HROB: variants seen among roughly 807,000 people sequenced by gnomAD.
HROB encodes the protein homologous recombination OB-fold protein.
HROB carries 44 observed loss-of-function variants against 61.0 expected under a neutral mutation model. The ratio of observed to expected loss-of-function variants is 0.72; its 90% CI spans 0.57 to 0.93. The LOEUF (loss-of-function observed/expected upper bound fraction) is 0.93, where lower values mean the gene tolerates loss of function less well. HROB is among the 40% of genes least tolerant of loss of function. HROB has a pLI of 0.00. For missense variants in HROB, 716 were observed against 796.2 expected, an observed-to-expected ratio of 0.90 and a Z score of 1.21; for synonymous variants, 301 against 310.4, an observed-to-expected ratio of 0.97 and a Z score of 0.32.
In HROB at chr17:44,148,209, C is replaced by T. The variant is rs762383052; in HGVS notation, c.406C>T (p.Pro136Ser). The T allele has an allele frequency of 2.7e-5, 44 of 1,614,166 alleles. No homozygotes were observed. The Middle Eastern group carries it at 4.9e-4, about 18-fold the overall frequency. ...TARPQSSALH[P>S]LLTFESQQQQ... ...AAGACCTCAGTCCTCAGCCTTACAC[C>T]CCCTACTCACCTTTGAGAGCCAACA... Residue 136 changes from proline to serine, a missense_variant, in exon 3 of 10, where the codon CCC (proline) becomes TCC (serine). Coordinates refer to ENST00000585683, the MANE Select transcript of HROB (RefSeq NM_001171251.3).
chr17:44,142,703 C>T (rs1453973374), intron 1 of HROB, among the ~76,000 whole-genome samples: 1 of 152,060 alleles, frequency 6.6e-6, no homozygotes, highest in Non-Finnish European at 1.5e-5. Context: ...GCCCTGCTGG[C>T]TAGAAAGAAG....
chr17:44,157,405 CTTTTTTTTTTTT>C (rs71160088), intron 8 of HROB, among the ~76,000 whole-genome samples: 2 of 81,472 alleles, frequency 2.5e-5, no homozygotes, highest in Non-Finnish European at 4.6e-5. Flanking sequence ...CATCATGTTT[CTTTTTTTTTTTT>C]TTTTTTTTTT....
chr17:44,154,464 C>T (rs2053910656), intron 5 of HROB, 92 bp from the exon 6 acceptor site: 1 of 1,216,444 alleles, frequency 8.2e-7, no homozygotes, highest in East Asian at 2.3e-5. Flanking sequence ...ACTCTGACCC[C>T]TCCTAACCCC....
At position 44,141,950 on chromosome 17, in the gene HROB, C is replaced by A. The variant is rs2053453630; in HGVS notation, c.-193C>A. 1 of 676,498 alleles carries A rather than the reference C, an allele frequency of 1.5e-6. No homozygotes were observed. Among genetic ancestry groups the A allele is most frequent in the Non-Finnish European group, 2.3e-6 (1 of 430,518 alleles). The allele number at this position is 676,498 out of a possible 1,614,324, so 41.9% of individuals were successfully genotyped here. A position where few individuals can be genotyped will look rare whatever the true frequency, so the allele number is the denominator to read the frequency against. ...GCCCCAGTGGCGGCGTCTTCGAATG[C>A]GGCCTAAGGCGCCTGCCGCCAGTCT... On this transcript the variant is annotated 5_prime_UTR_variant, in exon 1 of 10. Coordinates refer to ENST00000585683, the MANE Select transcript of HROB (RefSeq NM_001171251.3).
chr17:44,153,514 GGCGGGCGGATCACCTGAGGTC>G (rs1398239340), intron 5 of HROB, among the ~76,000 whole-genome samples: 2 of 152,130 alleles, frequency 1.3e-5, no homozygotes, highest in Non-Finnish European at 2.9e-5. Flanking sequence ...GAGAGGTCAA[GGCGGGCGGATCACCTGAGGTC>G]GCGAGTTCAA....
intron 9 of HROB, among the ~76,000 whole-genome samples, chr17:44,159,403 A>G (rs1272296773): frequency 6.6e-6 from 1 of 152,192 alleles, no homozygotes; most frequent in Non-Finnish European, 1.5e-5. Flanking sequence ...AGAAGACAAG[A>G]GTTGGGTGCC....
chr17:44,155,447 G>A (rs1281587619), intron 8 of HROB, 36 bp downstream of exon 8: 2 of 1,610,188 alleles, frequency 1.2e-6, no homozygotes, highest in East Asian at 4.5e-5. Context: ...GACTGGTAAG[G>A]CCCTCCTTCT....
chr17:44,161,721 C>A, intron 9 of HROB, 150 bp from the exon 10 acceptor site: 1 of 754,276 alleles, frequency 1.3e-6, no homozygotes, highest in South Asian at 1.6e-5. Flanking sequence ...CAGCCTCAGG[C>A]CCATTGGCAT....
In HROB at chr17:44,154,898, A is replaced by T. The variant is rs148125933; in HGVS notation, c.1604A>T (p.Gln535Leu). 1.2e-6 allele frequency: 2 copies of T among 1,614,080 alleles called. No individual in the cohort carries two copies. Among genetic ancestry groups the T allele is most frequent in the Non-Finnish European group, 8.5e-7 (1 of 1,180,016 alleles). ...CACAGGTTGCTGCTGGAGACGTGCC[A>T]GAATGAGCTGAAGCCTGGCTCAGTG... ...TVHRLLLETC[Q>L]NELKPGSVLL... Residue 535 changes from glutamine to leucine, a missense_variant, in exon 7 of 10, where the codon CAG becomes CTG. By Grantham distance (113) the Gln-to-Leu change is moderately radical. Transcript: ENST00000585683.
intron 5 of HROB, among the ~76,000 whole-genome samples, chr17:44,153,535 C>T (rs532510278): frequency 1.6e-4 from 24 of 152,240 alleles, no homozygotes; most frequent in African/African-American, 5.5e-4. Context: ...CACCTGAGGT[C>T]GCGAGTTCAA....
At chr17:44,144,296 C>G (rs1370811137) in intron 1 of HROB, among the ~76,000 whole-genome samples, 3 of 151,970 alleles carry the variant, frequency 2.0e-5, no homozygotes, top group Admixed American at 1.3e-4. Context: ...CCCACCACCA[C>G]GCCCAGCTAA....
intron 9 of HROB, among the ~76,000 whole-genome samples, chr17:44,160,436 G>A (rs574179040): frequency 6.6e-6 from 1 of 152,228 alleles, no homozygotes; most frequent in South Asian, 2.1e-4. Context: ...AGGCGTGGTG[G>A]CGGGCGCCTG....
intron 4 of HROB, 29 bp from the exon 5 acceptor site, chr17:44,152,608 C>T: frequency 6.2e-7 from 1 of 1,609,838 alleles, no homozygotes; most frequent in Non-Finnish European, 8.5e-7. Flanking sequence ...CCTATTCATA[C>T]AGGCTCCCCC....
Position 44,148,567 on chromosome 17 carries a change from C to G in HROB, c.764C>G (p.Thr255Ser). 1.2e-6 allele frequency: 2 copies of G among 1,614,010 alleles called. No individual in the cohort carries two copies. Among genetic ancestry groups the G allele is most frequent in the Non-Finnish European group, 1.7e-6 (2 of 1,180,006 alleles). The change falls in exon 3 of 10, where the codon ACT (threonine) becomes AGT (serine). Residue 255 changes from threonine to serine, a missense_variant. Coordinates refer to ENST00000585683, the MANE Select transcript of HROB (RefSeq NM_001171251.3). ...GCTGTGGGTCACCTTCCTGTTCCAACTGCCTTAACAGTTCCCACTCAGCAA... is the reference window on the plus strand; with the variant it reads ...GCTGTGGGTCACCTTCCTGTTCCAAGTGCCTTAACAGTTCCCACTCAGCAA... Reference protein sequence around the residue: ...PGAVGHLPVPTALTVPTQQLH... With the variant: ...PGAVGHLPVPSALTVPTQQLH...
Position 44,162,079 on chromosome 17 carries a change from C to A in HROB, c.*147C>A. On this transcript the variant is annotated 3_prime_UTR_variant, in exon 10 of 10. Coordinates refer to ENST00000585683, the MANE Select transcript of HROB (RefSeq NM_001171251.3). ...TGGTTGCTCCCACCCTGGGTGTTTTCCCTGAGAGCCCCCTCATCTCTGCGC... is the reference window on the plus strand; with the variant it reads ...TGGTTGCTCCCACCCTGGGTGTTTTACCTGAGAGCCCCCTCATCTCTGCGC... 1 of 795,518 alleles carries A rather than the reference C, an allele frequency of 1.3e-6. No homozygotes were observed. Among genetic ancestry groups the A allele is most frequent in the Non-Finnish European group, 2.0e-6 (1 of 505,538 alleles). 49.3% of individuals were successfully genotyped at this position (795,518 alleles called of 1,614,324 possible). A position where few individuals can be genotyped will look rare whatever the true frequency, so the allele number is the denominator to read the frequency against.
chr17:44,143,352 T>A (rs2053514405), intron 1 of HROB, among the ~76,000 whole-genome samples: 1 of 151,724 alleles, frequency 6.6e-6, no homozygotes, highest in Non-Finnish European at 1.5e-5. Context: ...CTATAAAAAT[T>A]TAAAAATTAG....
intron 8 of HROB, among the ~76,000 whole-genome samples, chr17:44,157,270 GA>G (rs2053996716): frequency 6.6e-6 from 1 of 152,170 alleles, no homozygotes; most frequent in Non-Finnish European, 1.5e-5. Context: ...ACAGAACTAG[GA>G]AAGCAAATCA....
intron 2 of HROB, among the ~76,000 whole-genome samples, chr17:44,147,581 G>T (rs542549790): frequency 6.6e-6 from 1 of 151,948 alleles, no homozygotes; most frequent in East Asian, 1.9e-4. Context: ...GGAACTACAG[G>T]TGTGCACCCC....
At chr17:44,150,580 G>A (rs903512656) in intron 3 of HROB, among the ~76,000 whole-genome samples, 2 of 151,890 alleles carry the variant, frequency 1.3e-5, no homozygotes, top group African/African-American at 4.8e-5. Flanking sequence ...GGTAGAGATG[G>A]GGGTTTCTCC....
Sources: gnomAD v4.1 joint callset for allele counts (sites outside exome capture counted in the v4.1 genomes callset) on GRCh38, gnomAD v4.1.1 for gene constraint, MANE v1.5 for transcripts, NCBI Gene and HGNC (gene_info 2026-07-23, HGNC 2026-07-21) for gene names.